SGCZ: variants seen among roughly 807,000 people sequenced by gnomAD.
SGCZ encodes the protein zeta-sarcoglycan.
Under a neutral mutation model 41.3 loss-of-function variants are expected in SGCZ, and 40 were observed. The observed-to-expected ratio is 0.97, with a 90% CI of 0.75 to 1.26. The LOEUF (loss-of-function observed/expected upper bound fraction) is 1.26, where lower values mean the gene tolerates loss of function less well. Ranked by LOEUF, SGCZ falls within the 50% of genes most tolerant of loss-of-function variation. The probability of loss-of-function intolerance (pLI) is 0.00; values close to 1 mark genes in which losing one functional copy is unlikely to be tolerated. For missense variants in SGCZ, 552 were observed against 369.8 expected (o/e 1.49, Z -4.04); for synonymous variants, 206 against 137.5 (o/e 1.50, Z -3.49).
chr8:14,436,578 G>C (rs1563328191), intron 2 of SGCZ, among the ~76,000 whole-genome samples: 2 of 152,150 alleles, frequency 1.3e-5, no homozygotes, highest in Non-Finnish European at 2.9e-5. Flanking sequence ...CAAAAGCAAT[G>C]CTGGCAGTAC....
intron 2 of SGCZ, among the ~76,000 whole-genome samples, chr8:14,388,788 C>T (rs1173584958): frequency 6.6e-6 from 1 of 150,504 alleles, no homozygotes; most frequent in Non-Finnish European, 1.5e-5. Context: ...TGTAAAAAAC[C>T]TGCATATGTA....
chr8:15,164,531 G>A (rs559270799), intron 1 of SGCZ, among the ~76,000 whole-genome samples: 1 of 151,830 alleles, frequency 6.6e-6, no homozygotes, highest in Non-Finnish European at 1.5e-5. Flanking sequence ...ATTAATCTCC[G>A]TGGTGGAAGA....
intron 2 of SGCZ, among the ~76,000 whole-genome samples, chr8:14,392,867 C>T (rs7827012): frequency 6.6e-6 from 1 of 151,874 alleles, no homozygotes; most frequent in Non-Finnish European, 1.5e-5. Flanking sequence ...TATTTGTTAT[C>T]TTTATGTTCT....
At chr8:14,722,114 C>T (rs930411013) in intron 1 of SGCZ, among the ~76,000 whole-genome samples, 3 of 152,250 alleles carry the variant, frequency 2.0e-5, no homozygotes, top group African/African-American at 4.8e-5. Flanking sequence ...TTTTCCTTTT[C>T]CCTCTTCTAC....
intron 7 of SGCZ, among the ~76,000 whole-genome samples, chr8:14,091,869 T>G (rs1440630244): frequency 1.3e-5 from 2 of 152,092 alleles, no homozygotes; most frequent in Non-Finnish European, 2.9e-5. Flanking sequence ...TTTGGTGTGT[T>G]AGTCATGAAG....
intron 1 of SGCZ, among the ~76,000 whole-genome samples, chr8:15,126,675 C>T (rs1442773822): frequency 1.3e-5 from 2 of 152,090 alleles, no homozygotes; most frequent in Non-Finnish European, 1.5e-5. Flanking sequence ...AGAAATTCAC[C>T]AGGACAATGA....
At chr8:14,172,948 G>A (rs946918030) in intron 4 of SGCZ, among the ~76,000 whole-genome samples, 2 of 152,114 alleles carry the variant, frequency 1.3e-5, no homozygotes, top group Non-Finnish European at 2.9e-5. Flanking sequence ...ATGAACAAAG[G>A]TTATCAATGC....
At chr8:14,461,798 A>T (rs1277078851) in intron 2 of SGCZ, among the ~76,000 whole-genome samples, 1 of 152,262 alleles carries the variant, frequency 6.6e-6, no homozygotes, top group Non-Finnish European at 1.5e-5. Flanking sequence ...CTTATAAAAA[A>T]ATTCTGAAAG....
chr8:14,701,950 G>GC (rs1480010203), intron 1 of SGCZ, among the ~76,000 whole-genome samples: 1 of 151,588 alleles, frequency 6.6e-6, no homozygotes, highest in African/African-American at 2.4e-5. Flanking sequence ...ATCCACATTT[G>GC]CCCCCAGCTA....
rs146639710 is a variant in SGCZ, at chr8:14,233,023, A to G, written c.424+4569T>C. Reference sequence around the variant, plus strand: ...GACATAGGGCCCCATAAGTAGCCATAATAAGTATCTCAAAAGTCATTGGGA... The same window carrying G: ...GACATAGGGCCCCATAAGTAGCCATGATAAGTATCTCAAAAGTCATTGGGA... On this transcript the variant is annotated intron_variant, in intron 4 of 7. Transcript: ENST00000382080. Among the ~76,000 whole-genome samples the G allele has an allele frequency of 1.1e-4, 16 of 152,204 alleles. No homozygotes were observed. The East Asian group carries it at 2.1e-3, about 20-fold the overall frequency.
intron 1 of SGCZ, among the ~76,000 whole-genome samples, chr8:14,918,498 G>C (rs1216116785): frequency 1.3e-5 from 2 of 151,422 alleles, no homozygotes; most frequent in Non-Finnish European, 2.9e-5. Flanking sequence ...TAATATGAAG[G>C]ATCTTCCTAC....
chr8:15,042,702 T>A (rs1804151062), intron 1 of SGCZ, among the ~76,000 whole-genome samples: 1 of 152,190 alleles, frequency 6.6e-6, no homozygotes, highest in South Asian at 2.1e-4. Flanking sequence ...TTTATGCACA[T>A]GTCTAAATAT....
At chr8:14,587,465 A>G (rs1585103058) in intron 1 of SGCZ, among the ~76,000 whole-genome samples, 1 of 151,856 alleles carries the variant, frequency 6.6e-6, no homozygotes, top group African/African-American at 2.4e-5. Flanking sequence ...TAAGCCTAGG[A>G]GTTTGAGACA....
At chr8:15,099,592 C>G (rs1048939488) in intron 1 of SGCZ, among the ~76,000 whole-genome samples, 2 of 152,060 alleles carry the variant, frequency 1.3e-5, no homozygotes, top group African/African-American at 4.8e-5. Flanking sequence ...GAGGAGGAAA[C>G]ACTTCTCATA....
chr8:14,945,221 A>AAT (rs2130826350), intron 1 of SGCZ, among the ~76,000 whole-genome samples: 1 of 152,262 alleles, frequency 6.6e-6, no homozygotes, highest in African/African-American at 2.4e-5. Context: ...AGCTGAATTT[A>AAT]TGGAGAACAC....
intron 2 of SGCZ, among the ~76,000 whole-genome samples, chr8:14,525,140 A>G (rs1446321764): frequency 8.0e-6 from 1 of 124,704 alleles, no homozygotes; most frequent in Non-Finnish European, 1.6e-5. Context: ...TGATAGATAG[A>G]CACATAGATA....
intron 2 of SGCZ, among the ~76,000 whole-genome samples, chr8:14,325,982 G>C (rs1437772338): frequency 2.0e-5 from 3 of 149,050 alleles, no homozygotes; most frequent in Non-Finnish European, 3.0e-5. Context: ...CTTGGTGGCG[G>C]GCGCCTGTAG....
chr8:14,136,217 C>T (rs1316448707), intron 5 of SGCZ, among the ~76,000 whole-genome samples: 1 of 152,138 alleles, frequency 6.6e-6, no homozygotes, highest in African/African-American at 2.4e-5. Context: ...CTCCAGTCTA[C>T]AGCTCCCAGT....
intron 1 of SGCZ, among the ~76,000 whole-genome samples, chr8:14,858,522 A>C (rs1016096662): frequency 2.6e-5 from 4 of 152,110 alleles, no homozygotes; most frequent in African/African-American, 9.7e-5. Flanking sequence ...TTGGCAAAGG[A>C]AAGACTATTT....
Sources: allele counts gnomAD v4.1 joint callset (sites outside exome capture counted in the v4.1 genomes callset), GRCh38; gene constraint gnomAD v4.1.1; transcripts MANE v1.5; gene names NCBI Gene and HGNC (gene_info 2026-07-23, HGNC 2026-07-21).